The following UNC5C variants were observed in gnomAD, a reference collection of about 807,000 sequenced individuals.
UNC5C encodes unc-5 netrin receptor C, also known as netrin receptor UNC5C.
In UNC5C, 47 loss-of-function variants were observed where a neutral mutation model predicts 99.8. The observed-to-expected ratio is 0.47, with a 90% CI of 0.37 to 0.60. The LOEUF (loss-of-function observed/expected upper bound fraction) is 0.60, where lower values mean the gene tolerates loss of function less well. Ranked by LOEUF, UNC5C falls within the 20% of genes least tolerant of loss-of-function variation. The pLI is 0.00. For synonymous variants in UNC5C, 487 were observed against 452.2 expected, an observed-to-expected ratio of 1.08 and a Z score of -0.98; for missense variants, 1,062 against 1,165.9, an observed-to-expected ratio of 0.91 and a Z score of 1.30.
rs549768383 is a variant in UNC5C, at chr4:95,202,244, A to G, written c.2136+487T>C. ...TTCGAATGGGATAAAATGAATGGCA[A>G]TAATCACACCAGGAATTAAGCTCAT... On this transcript the variant is annotated intron_variant, in intron 12 of 15. Coordinates refer to ENST00000453304, the MANE Select transcript of UNC5C (RefSeq NM_003728.4). Among the ~76,000 whole-genome samples the G allele has an allele frequency of 3.9e-5, 6 of 152,330 alleles. No homozygotes were observed. The South Asian group carries it at 1.2e-3, about 32-fold the overall frequency.
At chr4:95,292,257 AT>A (rs1560773082) in intron 3 of UNC5C, among the ~76,000 whole-genome samples, 1,910 of 138,790 alleles carry the variant, frequency 0.014, 20 homozygotes, top group East Asian at 0.024. Flanking sequence ...ATATATATAT[AT>A]ATATATATAA....
chr4:95,192,131 C>T (rs1240728916), intron 12 of UNC5C, among the ~76,000 whole-genome samples: 3 of 139,200 alleles, frequency 2.2e-5, no homozygotes, highest in Admixed American at 7.1e-5. Flanking sequence ...CCTGCTCATC[C>T]TCCTCCCATG....
intron 1 of UNC5C, among the ~76,000 whole-genome samples, chr4:95,342,256 C>T (rs1395313065): frequency 2.0e-5 from 3 of 152,082 alleles, no homozygotes; most frequent in Admixed American, 6.5e-5. Flanking sequence ...GACATTCCTT[C>T]CCTCTGCTTG....
chr4:95,176,764 C>A (rs1387807731), intron 14 of UNC5C, among the ~76,000 whole-genome samples: 1 of 152,236 alleles, frequency 6.6e-6, no homozygotes, highest in Non-Finnish European at 1.5e-5. Flanking sequence ...CTGTGGTGGG[C>A]TCCACCCAGT....
At position 95,267,949 on chromosome 4, in the gene UNC5C, A is replaced by ATTTTTTTTTTTTTTTTTTT. The variant is rs869293955; in HGVS notation, c.594+10309_594+10310insAAAAAAAAAAAAAAAAAAA. 6.0e-4 allele frequency among the ~76,000 whole-genome samples: 71 copies of ATTTTTTTTTTTTTTTTTTT among 117,562 alleles called. 6 individuals carry two copies. Among genetic ancestry groups the ATTTTTTTTTTTTTTTTTTT allele is most frequent in the African/African-American group, 2.3e-3 (66 of 29,160 alleles). 77.1% of individuals were successfully genotyped at this position (117,562 alleles called of 152,430 possible). Reference sequence around the variant, plus strand: ...ATGATCCTGTAGGCTGAATTTTGTGATTTTTTTTTTTTTTTTTTGAGACGG... The same window carrying ATTTTTTTTTTTTTTTTTTT: ...ATGATCCTGTAGGCTGAATTTTGTGATTTTTTTTTTTTTTTTTTTTTTTTTTTTTTTTTTTTTGAGACGG... On this transcript the variant is annotated intron_variant, in intron 4 of 15. Coordinates refer to ENST00000453304, the MANE Select transcript of UNC5C (RefSeq NM_003728.4).
rs1349815312 is a variant in UNC5C, at chr4:95,470,448, A to G, written c.124+78286T>C. Reference sequence around the variant, plus strand: ...TGGTCGACAGAGAATGGACGGCACCATGAGTATACAACATCTGGGAAGGAG... The same window carrying G: ...TGGTCGACAGAGAATGGACGGCACCGTGAGTATACAACATCTGGGAAGGAG... On this transcript the variant is annotated intron_variant, in intron 1 of 15. Coordinates refer to ENST00000453304, the MANE Select transcript of UNC5C (RefSeq NM_003728.4). 2.0e-5 allele frequency among the ~76,000 whole-genome samples: 3 copies of G among 152,254 alleles called. No homozygotes were observed. In the East Asian group the frequency reaches 5.8e-4, roughly 29 times the overall value.
At chr4:95,396,065 C>T (rs1283007036) in intron 1 of UNC5C, among the ~76,000 whole-genome samples, 1 of 152,174 alleles carries the variant, frequency 6.6e-6, no homozygotes, top group Non-Finnish European at 1.5e-5. Flanking sequence ...CTATCATTAA[C>T]AGATAACCAA....
intron 1 of UNC5C, among the ~76,000 whole-genome samples, chr4:95,486,267 A>G (rs1320946254): frequency 6.6e-6 from 1 of 151,810 alleles, no homozygotes; most frequent in African/African-American, 2.4e-5. Flanking sequence ...AGAATATTGA[A>G]GTCATAATAT....
At chr4:95,380,569 C>T (rs1313364559) in intron 1 of UNC5C, among the ~76,000 whole-genome samples, 1 of 151,772 alleles carries the variant, frequency 6.6e-6, no homozygotes, top group Non-Finnish European at 1.5e-5. Flanking sequence ...AGCCACCACG[C>T]TTGGCCTACA....
At chr4:95,248,536 T>C (rs548846594) in intron 5 of UNC5C, 79 of 456,004 alleles carry the variant, frequency 1.7e-4, no homozygotes, top group Non-Finnish European at 2.9e-4. Context: ...AGGGAAGCCA[T>C]CTTTCAGCTG....
At chr4:95,279,140 CAA>C (rs913387427) in intron 3 of UNC5C, among the ~76,000 whole-genome samples, 6 of 152,114 alleles carry the variant, frequency 3.9e-5, no homozygotes, top group African/African-American at 1.4e-4. Context: ...GTTTCCATTT[CAA>C]AGTGGAAAAC....
chr4:95,434,975 A>G (rs557927648), intron 1 of UNC5C, among the ~76,000 whole-genome samples: 84 of 152,168 alleles, frequency 5.5e-4, no homozygotes, highest in Non-Finnish European at 6.3e-4. Flanking sequence ...AAAAACGTAC[A>G]ACAGGAAATG....
At chr4:95,348,305 C>A (rs1378880732) in intron 1 of UNC5C, among the ~76,000 whole-genome samples, 1 of 151,912 alleles carries the variant, frequency 6.6e-6, no homozygotes, top group Non-Finnish European at 1.5e-5. Flanking sequence ...CACTCATACA[C>A]TGTTGGGGGG....
At chr4:95,520,158 G>A (rs1205277393) in intron 1 of UNC5C, among the ~76,000 whole-genome samples, 1 of 152,016 alleles carries the variant, frequency 6.6e-6, no homozygotes, top group Non-Finnish European at 1.5e-5. Flanking sequence ...ACTCAACCTA[G>A]GAAGAGATCT....
chr4:95,297,873 A>T (rs137978930), intron 3 of UNC5C, among the ~76,000 whole-genome samples: 1 of 152,234 alleles, frequency 6.6e-6, no homozygotes, highest in East Asian at 1.9e-4. Context: ...CAGTCTCATC[A>T]CTGGTCTTCC....
At chr4:95,458,047 T>C (rs1747494302) in intron 1 of UNC5C, among the ~76,000 whole-genome samples, 1 of 152,156 alleles carries the variant, frequency 6.6e-6, no homozygotes, top group African/African-American at 2.4e-5. Context: ...CAATCTAAGA[T>C]CAGTTTGTGT....
In UNC5C at chr4:95,242,613, G is replaced by A. The variant is rs1560749742; in HGVS notation, c.944-20C>T. 7.1e-6 allele frequency: 11 copies of A among 1,538,554 alleles called. No homozygotes were observed. Among genetic ancestry groups the A allele is most frequent in the Non-Finnish European group, 8.8e-6 (10 of 1,139,404 alleles). On this transcript the variant is annotated intron_variant, in intron 6 of 15. Coordinates refer to ENST00000453304, the MANE Select transcript of UNC5C (RefSeq NM_003728.4). ...CATCCACTGCCATGGAAAAAATGCA[G>A]CAGGAGGTCAGAGGGAGAGGCAGCT...
rs190274616 is a variant in UNC5C at position 95,353,827 on chromosome 4, T to G, written c.125-18196A>C. Among the ~76,000 whole-genome samples the G allele has an allele frequency of 1.8e-4, 27 of 152,228 alleles. 1 individual carries two copies. In the East Asian group the frequency reaches 3.7e-3, roughly 21 times the overall value. On this transcript the variant is annotated intron_variant, in intron 1 of 15. Transcript: ENST00000453304. ...AAAGTATATTTTAACTAAATAACCA[T>G]TTAAAAACTCTAATTTAAGATTTTC...
chr4:95,347,027 A>C (rs1560797443), intron 1 of UNC5C, among the ~76,000 whole-genome samples: 1 of 151,978 alleles, frequency 6.6e-6, no homozygotes, highest in Non-Finnish European at 1.5e-5. Context: ...CCTAGACTTC[A>C]TCAAAAAACT....
Sources: allele counts gnomAD v4.1 joint callset (sites outside exome capture counted in the v4.1 genomes callset), GRCh38; gene constraint gnomAD v4.1.1; transcripts MANE v1.5; gene names NCBI Gene and HGNC (gene_info 2026-07-23, HGNC 2026-07-21).